DSE: variants seen among roughly 807,000 people sequenced by gnomAD.
DSE encodes dermatan-sulfate epimerase.
Under a neutral mutation model 84.4 loss-of-function variants are expected in DSE, and 36 were observed. The observed-to-expected ratio is 0.43, with a 90% CI of 0.33 to 0.56. The LOEUF (loss-of-function observed/expected upper bound fraction) is 0.56, where lower values mean the gene tolerates loss of function less well. Among genes scored for constraint, DSE ranks in the 20% least tolerant of loss-of-function variants. The pLI is 0.06. For synonymous variants in DSE, 410 were observed against 430.1 expected, an observed-to-expected ratio of 0.95 and a Z score of 0.58; for missense variants, 862 against 1,169.6, an observed-to-expected ratio of 0.74 and a Z score of 3.84.
At chr6:116,357,936 A>G (rs1371445455) in intron 2 of DSE, among the ~76,000 whole-genome samples, 3 of 152,250 alleles carry the variant, frequency 2.0e-5, no homozygotes, top group Non-Finnish European at 2.9e-5. Context: ...TGTCAAGTAT[A>G]GAATTTATAG....
At chr6:116,262,963 T>C (rs1006113824) in intron 2 of DSE, among the ~76,000 whole-genome samples, 2 of 152,242 alleles carry the variant, frequency 1.3e-5, no homozygotes, top group East Asian at 1.9e-4. Context: ...TTGATTTTGC[T>C]GTGGTTCAAG....
intron 2 of DSE, among the ~76,000 whole-genome samples, chr6:116,272,917 CTATATT>C (rs1192472700): frequency 1.3e-5 from 2 of 152,170 alleles, no homozygotes; most frequent in Non-Finnish European, 2.9e-5. Flanking sequence ...TATATTATAA[CTATATT>C]AATACTTGAA....
chr6:116,358,952 A>T (rs1490797956), intron 2 of DSE, among the ~76,000 whole-genome samples: 6 of 152,208 alleles, frequency 3.9e-5, no homozygotes, highest in Admixed American at 3.9e-4. Context: ...GAAAGTAAAC[A>T]TGAACAGTAT....
chr6:116,385,128 A>G (rs1780502165), intron 1 of DSE, among the ~76,000 whole-genome samples: 1 of 152,218 alleles, frequency 6.6e-6, no homozygotes, highest in Non-Finnish European at 1.5e-5. Context: ...CCTCATGTAT[A>G]CAGGAATAAT....
At position 116,436,762 on chromosome 6, in the gene DSE, G is replaced by A. The variant is rs773782030; in HGVS notation, c.2294G>A (p.Arg765Gln). The change falls in exon 6 of 6, where the codon CGG becomes CAG. Residue 765 changes from arginine (R) to glutamine (Q), a missense_variant. Physicochemically the swap from Arg to Gln is conservative, Grantham distance 43. This residue lies in a region of DSE where 315 missense variants were observed against 348.1 expected (regional missense o/e 0.90). Transcript: ENST00000644252. ...GAGAAGCAGATACTGTCCCGAGTCC[G>A]GAACACAGCTAGCTTTAGGAAGACT... Reference protein sequence around the residue: ...LLEKQILSRVRNTASFRKTAE... With the variant: ...LLEKQILSRVQNTASFRKTAE... The A allele has an allele frequency of 2.2e-5, 35 of 1,614,154 alleles. No individual in the cohort carries two copies. The highest frequency in any genetic ancestry group is 3.3e-4 in the Middle Eastern group (2 of 6,062).
chr6:116,360,645 G>T (rs896456759), intron 2 of DSE, among the ~76,000 whole-genome samples: 4 of 152,136 alleles, frequency 2.6e-5, no homozygotes, highest in Non-Finnish European at 5.9e-5. Context: ...GGAAAAGGTC[G>T]CCACGTTGGC....
At chr6:116,267,495 T>A (rs1772680473) in intron 2 of DSE, among the ~76,000 whole-genome samples, 1 of 152,066 alleles carries the variant, frequency 6.6e-6, no homozygotes, top group African/African-American at 2.4e-5. Flanking sequence ...GATATAAATA[T>A]TTTTGTACAG....
intron 1 of DSE, among the ~76,000 whole-genome samples, chr6:116,374,699 C>G (rs746128002): frequency 1.3e-5 from 2 of 152,110 alleles, no homozygotes; most frequent in Non-Finnish European, 2.9e-5. Context: ...CCGAGGTGAT[C>G]CAGGACCTCA....
rs765194364 is a variant in DSE at position 116,435,574 on chromosome 6, A to G, written c.1119-13A>G. 6.5e-7 allele frequency: 1 copy of G among 1,548,304 alleles called. No individual in the cohort carries two copies. Among genetic ancestry groups the G allele is most frequent in the Non-Finnish European group, 8.7e-7 (1 of 1,151,170 alleles). The stretch of plus-strand genomic sequence containing the variant: ...CATCAGAAAACCATTTAATTTTTCA[A>G]AATTAATTTCAGGTATGATGGCAGC... On this transcript the variant is annotated splice_polypyrimidine_tract_variant and intron_variant, in intron 5 of 5. Transcript: ENST00000644252.
intron 3 of DSE, among the ~76,000 whole-genome samples, chr6:116,427,418 A>C (rs1438104701): frequency 6.6e-6 from 1 of 152,232 alleles, no homozygotes; most frequent in East Asian, 1.9e-4. Flanking sequence ...ACTGATTAAG[A>C]TTGTGTTTAA....
At chr6:116,369,079 C>T (rs1353464339), upstream of DSE, among the ~76,000 whole-genome samples, 1 of 152,170 alleles carries the variant, frequency 6.6e-6, no homozygotes, top group Non-Finnish European at 1.5e-5. Flanking sequence ...ATTCTCAATC[C>T]TGGTTGTACA....
At position 116,437,220 on chromosome 6, in the gene DSE, A is replaced by G. The variant is rs780791978; in HGVS notation, c.2752A>G (p.Met918Val). The change falls in exon 6 of 6, where the codon ATG (methionine) becomes GTG (valine). Residue 918 changes from methionine (M) to valine (V), a missense_variant. Transcript: ENST00000644252. Reference sequence around the variant, plus strand: ...TGCTATTTTCTTTGTCATGTTGGCAATGCAACTGACTTATTTCCAGAGGGC... The same window carrying G: ...TGCTATTTTCTTTGTCATGTTGGCAGTGCAACTGACTTATTTCCAGAGGGC... ...NIAIFFVMLA[M>V]QLTYFQRAQS... 28 of 1,613,974 alleles carry G rather than the reference A, an allele frequency of 1.7e-5. No homozygotes were observed. Among genetic ancestry groups the G allele is most frequent in the African/African-American group, 9.3e-5 (7 of 74,896 alleles).
chr6:116,333,569 A>G (rs576126011), intron 2 of DSE, among the ~76,000 whole-genome samples: 181 of 152,322 alleles, frequency 1.2e-3, no homozygotes, highest in Non-Finnish European at 2.2e-3. Context: ...AAACCATAGC[A>G]TGTCTCAACT....
intron 2 of DSE, among the ~76,000 whole-genome samples, chr6:116,411,325 T>C (rs186344230): frequency 3.1e-4 from 47 of 152,290 alleles, no homozygotes; most frequent in African/African-American, 4.3e-4. Flanking sequence ...AATAAATAAA[T>C]GAAGAATAGC....
intron 1 of DSE, among the ~76,000 whole-genome samples, chr6:116,398,680 TTGTC>T (rs1403770974): frequency 2.6e-5 from 4 of 152,204 alleles, no homozygotes; most frequent in Admixed American, 2.6e-4. Flanking sequence ...TCATAATATT[TTGTC>T]TGCTTACAGA....
chr6:116,325,315 A>C (rs779535621), intron 2 of DSE, among the ~76,000 whole-genome samples: 1 of 152,202 alleles, frequency 6.6e-6, no homozygotes, highest in Non-Finnish European at 1.5e-5. Context: ...TTTTTGAAAA[A>C]TGTCCACCAC....
At chr6:116,364,305 C>T (rs1322048636) in intron 2 of DSE, among the ~76,000 whole-genome samples, 1 of 151,870 alleles carries the variant, frequency 6.6e-6, no homozygotes, top group African/African-American at 2.4e-5. Flanking sequence ...TGAAAGAAAA[C>T]ATGGAAAAAG....
chr6:116,320,000 G>A (rs930273649), intron 2 of DSE, among the ~76,000 whole-genome samples: 1 of 152,152 alleles, frequency 6.6e-6, no homozygotes, highest in African/African-American at 2.4e-5. Flanking sequence ...TGTTCTCATA[G>A]CACCTGATGC....
chr6:116,380,242 C>G (rs1177254417), intron 1 of DSE, among the ~76,000 whole-genome samples: 2 of 151,766 alleles, frequency 1.3e-5, no homozygotes, highest in Admixed American at 6.6e-5. Context: ...TTGCCAGGTA[C>G]TTCTGTGTTT....
Sources: gnomAD v4.1 joint callset for allele counts (sites outside exome capture counted in the v4.1 genomes callset) on GRCh38, gnomAD v4.1.1 for gene constraint, gnomAD v4.1.1 regional missense constraint, MANE v1.5 for transcripts, NCBI Gene and HGNC (gene_info 2026-07-23, HGNC 2026-07-21) for gene names.